Variants in SLC49A4 observed in about 807,000 individuals in gnomAD.
SLC49A4 encodes disrupted in renal cancer protein 2.
SLC49A4 carries 36 observed loss-of-function variants against 50.6 expected under a neutral mutation model. The ratio of observed to expected loss-of-function variants is 0.71; its 90% CI spans 0.55 to 0.94. The LOEUF (loss-of-function observed/expected upper bound fraction) is 0.94. Among genes scored for constraint, SLC49A4 ranks in the 40% least tolerant of loss-of-function variants. SLC49A4 has a pLI of 0.00. For synonymous variants in SLC49A4, 248 were observed against 241.2 expected (o/e 1.03, Z -0.26); for missense variants, 503 against 605.7 (o/e 0.83, Z 1.78).
chr3:122,838,963 G>A (rs1349101248), intron 4 of SLC49A4, among the ~76,000 whole-genome samples: 4 of 152,106 alleles, frequency 2.6e-5, no homozygotes, highest in Middle Eastern at 3.4e-3. Flanking sequence ...AAATCTGGAG[G>A]CATCACATTA....
At chr3:122,813,166 G>A (rs1197450912) in intron 2 of SLC49A4, among the ~76,000 whole-genome samples, 3 of 151,462 alleles carry the variant, frequency 2.0e-5, no homozygotes, top group African/African-American at 4.9e-5. Flanking sequence ...AGGAGAATCC[G>A]GGAGGTGGAG....
In SLC49A4 at chr3:122,807,276, C is replaced by T. The variant is rs375214255; in HGVS notation, c.437+326C>T. Among the ~76,000 whole-genome samples, 48 of 151,892 alleles carry T rather than the reference C, an allele frequency of 3.2e-4. No homozygotes were observed. In the South Asian group the frequency reaches 6.0e-3, roughly 19 times the overall value. On this transcript the variant is annotated intron_variant, in intron 2 of 8. Transcript: ENST00000261038. Reference sequence around the variant, plus strand: ...CTACAGAAGAAATACAAAATTGCCTCGAGACTAGGAGAAGTTTTGGCTGTG... The same window carrying T: ...CTACAGAAGAAATACAAAATTGCCTTGAGACTAGGAGAAGTTTTGGCTGTG...
chr3:122,807,650 T>C (rs1049799763), intron 2 of SLC49A4, among the ~76,000 whole-genome samples: 3 of 152,194 alleles, frequency 2.0e-5, no homozygotes, highest in African/African-American at 7.2e-5. Context: ...ATTTCTTAAA[T>C]TAGTGTTTCC....
At chr3:122,811,995 G>T (rs1487600768) in intron 2 of SLC49A4, among the ~76,000 whole-genome samples, 1 of 151,512 alleles carries the variant, frequency 6.6e-6, no homozygotes, top group African/African-American at 2.4e-5. Flanking sequence ...ACACTCTGTT[G>T]CCCAGGCTGG....
intron 2 of SLC49A4, among the ~76,000 whole-genome samples, chr3:122,815,907 C>T (rs1288815191): frequency 3.3e-5 from 5 of 152,140 alleles, no homozygotes; most frequent in South Asian, 2.1e-4. Context: ...TTGGTAGAAG[C>T]GTTTTGTAGT....
At chr3:122,819,734 T>A (rs920486606) in intron 2 of SLC49A4, among the ~76,000 whole-genome samples, 1 of 152,178 alleles carries the variant, frequency 6.6e-6, no homozygotes, top group South Asian at 2.1e-4. Flanking sequence ...ACCCTCTTTA[T>A]TGCCCACCTT....
At chr3:122,847,411 G>T (rs758969378) in intron 5 of SLC49A4, among the ~76,000 whole-genome samples, 1 of 149,334 alleles carries the variant, frequency 6.7e-6, no homozygotes, top group Non-Finnish European at 1.5e-5. Context: ...GCAGTGGCGC[G>T]ATCTCAGCTC....
intron 5 of SLC49A4, among the ~76,000 whole-genome samples, chr3:122,847,552 A>G (rs1435438022): frequency 6.6e-6 from 1 of 151,808 alleles, no homozygotes; most frequent in Non-Finnish European, 1.5e-5. Flanking sequence ...TCACCATGTT[A>G]GCCAGGATGG....
At chr3:122,875,059 A>G (rs547925895) in intron 8 of SLC49A4, among the ~76,000 whole-genome samples, 27 of 152,350 alleles carry the variant, frequency 1.8e-4, no homozygotes, top group African/African-American at 6.3e-4. Flanking sequence ...TCTTTTTAGT[A>G]GGATTAATTG....
intron 8 of SLC49A4, among the ~76,000 whole-genome samples, chr3:122,879,047 T>C (rs1023378242): frequency 2.0e-5 from 3 of 152,182 alleles, no homozygotes; most frequent in Non-Finnish European, 4.4e-5. Flanking sequence ...ATGAACAATA[T>C]TGATTAAAAA....
chr3:122,846,866 A>G (rs1211832125), intron 5 of SLC49A4, among the ~76,000 whole-genome samples: 1 of 152,172 alleles, frequency 6.6e-6, no homozygotes, highest in Non-Finnish European at 1.5e-5. Flanking sequence ...ACCGATACGT[A>G]AAGAAGAGGG....
chr3:122,804,051 T>A (rs555205073), intron 1 of SLC49A4, among the ~76,000 whole-genome samples: 2 of 152,106 alleles, frequency 1.3e-5, no homozygotes, highest in Admixed American at 1.3e-4. Context: ...GGCTGGGTAA[T>A]GTGTAAAGAA....
intron 4 of SLC49A4, among the ~76,000 whole-genome samples, chr3:122,843,698 A>G (rs982950701): frequency 6.6e-6 from 1 of 152,048 alleles, no homozygotes; most frequent in African/African-American, 2.4e-5. Flanking sequence ...CAACATCTGG[A>G]TTTTGTTGAT....
intron 2 of SLC49A4, among the ~76,000 whole-genome samples, chr3:122,823,359 A>C (rs1051814479): frequency 6.6e-6 from 1 of 152,258 alleles, no homozygotes; most frequent in African/African-American, 2.4e-5. Context: ...GGCCAGGGCC[A>C]GAGGTCAGAA....
chr3:122,799,917 A>T (rs1021547281), intron 1 of SLC49A4, among the ~76,000 whole-genome samples: 1 of 152,196 alleles, frequency 6.6e-6, no homozygotes, highest in African/African-American at 2.4e-5. Flanking sequence ...TAAGTTGTGT[A>T]AGATGGTAGA....
At chr3:122,801,910 C>G (rs976423484) in intron 1 of SLC49A4, among the ~76,000 whole-genome samples, 3 of 152,002 alleles carry the variant, frequency 2.0e-5, no homozygotes, top group African/African-American at 7.3e-5. Flanking sequence ...GGGTATTAGT[C>G]AGAAAAAATT....
At chr3:122,850,273 G>C (rs140269066) in intron 5 of SLC49A4, among the ~76,000 whole-genome samples, 40 of 152,174 alleles carry the variant, frequency 2.6e-4, no homozygotes, top group African/African-American at 9.7e-4. Flanking sequence ...TTCAGCAGTT[G>C]AGAATTACTA....
At chr3:122,843,249 C>A (rs1241148422) in intron 4 of SLC49A4, among the ~76,000 whole-genome samples, 1 of 147,060 alleles carries the variant, frequency 6.8e-6, no homozygotes. Context: ...GGGAATGTTA[C>A]AATAATATAC....
chr3:122,801,522 C>T (rs1443997999), intron 1 of SLC49A4, among the ~76,000 whole-genome samples: 1 of 151,938 alleles, frequency 6.6e-6, no homozygotes, highest in African/African-American at 2.4e-5. Flanking sequence ...ACCCAGAAGG[C>T]GGATGTTGCA....
Sources: gnomAD v4.1 joint callset for allele counts (sites outside exome capture counted in the v4.1 genomes callset) on GRCh38, gnomAD v4.1.1 for gene constraint, MANE v1.5 for transcripts, NCBI Gene and HGNC (gene_info 2026-07-23, HGNC 2026-07-21) for gene names.